TSPAN9: variants seen among roughly 807,000 people sequenced by gnomAD.
The protein encoded by TSPAN9 is tetraspanin-9.
Under a neutral mutation model 31.0 loss-of-function variants are expected in TSPAN9, and 16 were observed. The ratio of observed to expected loss-of-function variants is 0.52; its 90% CI spans 0.35 to 0.78. The LOEUF (loss-of-function observed/expected upper bound fraction) is 0.78, where lower values mean the gene tolerates loss of function less well. Among genes scored for constraint, TSPAN9 ranks in the 30% least tolerant of loss-of-function variants. The pLI is 0.01. For synonymous variants in TSPAN9, 145 were observed against 121.6 expected, an observed-to-expected ratio of 1.19 and a Z score of -1.27; for missense variants, 272 against 312.5, an observed-to-expected ratio of 0.87 and a Z score of 0.98.
intron 2 of TSPAN9, among the ~76,000 whole-genome samples, chr12:3,132,112 A>T (rs1726391741): frequency 6.6e-6 from 1 of 152,202 alleles, no homozygotes; most frequent in Non-Finnish European, 1.5e-5. Flanking sequence ...ATTCTTTGTA[A>T]GGCTGAATAC....
intron 2 of TSPAN9, among the ~76,000 whole-genome samples, chr12:3,159,305 C>G (rs1158215165): frequency 6.6e-6 from 1 of 151,592 alleles, no homozygotes; most frequent in Non-Finnish European, 1.5e-5. Context: ...CTGGGTCCGT[C>G]TCAGTTCCCC....
At chr12:3,171,958 G>C (rs1391955964) in intron 2 of TSPAN9, 2 of 152,196 alleles carry the variant, frequency 1.3e-5, no homozygotes, top group African/African-American at 2.4e-5. Flanking sequence ...GGTCGAAACT[G>C]CTCCTTGAGA....
chr12:3,271,523 C>T (rs1862677428), intron 3 of TSPAN9, among the ~76,000 whole-genome samples: 1 of 147,366 alleles, frequency 6.8e-6, no homozygotes, highest in African/African-American at 2.6e-5. Flanking sequence ...GAAAGAATTC[C>T]TGGCTGATTA....
intron 2 of TSPAN9, among the ~76,000 whole-genome samples, chr12:3,160,536 A>G (rs1425593651): frequency 6.6e-6 from 1 of 152,228 alleles, no homozygotes; most frequent in Admixed American, 6.5e-5. Flanking sequence ...AAGTGGCTAT[A>G]CCATTTTACA....
At chr12:3,226,189 G>C (rs1472491543) in intron 3 of TSPAN9, among the ~76,000 whole-genome samples, 1 of 152,152 alleles carries the variant, frequency 6.6e-6, no homozygotes, top group Non-Finnish European at 1.5e-5. Context: ...ACGGTCGTGA[G>C]GGGCTGGTAG....
chr12:3,268,173 A>AGCCTG lies in TSPAN9; in HGVS notation c.64-10248_64-10247insGCCTG, dbSNP rs1183177021. ...TGCCCTCCGTGCATTCCTGCAGCCT[A>AGCCTG]CCCTCCGTGCGTTCCTGCAGCCTGC... On this transcript the variant is annotated intron_variant, in intron 3 of 8. Coordinates refer to ENST00000011898, the MANE Select transcript of TSPAN9 (RefSeq NM_006675.5). Among the ~76,000 whole-genome samples the AGCCTG allele has an allele frequency of 6.2e-5, 8 of 129,156 alleles. 1 individual carries two copies. The highest frequency in any genetic ancestry group is 2.7e-4 in the South Asian group (1 of 3,756). The allele number at this position is 129,156 out of a possible 152,430, so 84.7% of individuals were successfully genotyped here.
At chr12:3,258,717 G>A (rs11062597) in intron 3 of TSPAN9, among the ~76,000 whole-genome samples, 32,774 of 152,086 alleles carry the variant, frequency 0.22, 5,291 homozygotes, top group East Asian at 0.47. Context: ...CTCAAGTGCC[G>A]GCTCCCAAGA....
At chr12:3,180,295 T>C (rs978481748) in intron 2 of TSPAN9, among the ~76,000 whole-genome samples, 1 of 152,062 alleles carries the variant, frequency 6.6e-6, no homozygotes, top group African/African-American at 2.4e-5. Flanking sequence ...GGTGGGAAGG[T>C]TGCTTGAGTA....
intron 4 of TSPAN9, 86 bp downstream of exon 4, chr12:3,278,698 G>A (rs978284609): frequency 3.3e-6 from 5 of 1,527,724 alleles, no homozygotes; most frequent in Non-Finnish European, 1.8e-6. Context: ...TGGAATATTA[G>A]CCACCTGGGT....
rs184703785 is a variant in TSPAN9, at chr12:3,240,825, T to G, written c.64-37596T>G. Among the ~76,000 whole-genome samples, 3 of 152,328 alleles carry G rather than the reference T, an allele frequency of 2.0e-5. No individual in the cohort carries two copies. The East Asian group carries it at 5.8e-4, about 29-fold the overall frequency. On this transcript the variant is annotated intron_variant, in intron 3 of 8. Coordinates refer to ENST00000011898, the MANE Select transcript of TSPAN9 (RefSeq NM_006675.5). ...GGCGTGGACGTTGGAGAGTTGTGGC[T>G]TGCTGGCTGTTGCTGTAATTAGGTC... is the stretch of plus-strand genomic sequence containing the variant.
At position 3,167,458 on chromosome 12, in the gene TSPAN9, T is replaced by C. The variant is rs111699260; in HGVS notation, c.-17-33719T>C. The stretch of plus-strand genomic sequence containing the variant: ...AGCTTAGGAAAAAACTGTGAGCCCC[T>C]GGAGATTGGGCTTATCTCTTGTGTA... On this transcript the variant is annotated intron_variant, in intron 2 of 8. Coordinates refer to ENST00000011898, the MANE Select transcript of TSPAN9 (RefSeq NM_006675.5). Among the ~76,000 whole-genome samples the C allele has an allele frequency of 3.0e-3, 452 of 152,330 alleles. 2 individuals are homozygous for C. Among genetic ancestry groups the C allele is most frequent in the African/African-American group, 0.01 (435 of 41,562 alleles).
intron 2 of TSPAN9, among the ~76,000 whole-genome samples, chr12:3,186,513 C>T (rs1317875338): frequency 4.6e-5 from 7 of 150,768 alleles, no homozygotes; most frequent in Non-Finnish European, 1.0e-4. Flanking sequence ...AGGACAATGT[C>T]GCTGGAGTGG....
At chr12:3,279,766 T>C (rs12580347) in intron 5 of TSPAN9, among the ~76,000 whole-genome samples, 64,852 of 152,242 alleles carry the variant, frequency 0.43, 16,963 homozygotes, top group South Asian at 0.62. Context: ...TGAGAAAGAA[T>C]AATCTTTTAG....
chr12:3,283,359 G>A lies in TSPAN9; in HGVS notation c.*243G>A, dbSNP rs1862938989. The A allele has an allele frequency of 8.3e-6, 4 of 481,610 alleles. No individual in the cohort carries two copies. In the East Asian group the frequency reaches 1.4e-4, roughly 17 times the overall value. The allele number at this position is 481,610 out of a possible 1,614,324, so 29.8% of individuals were successfully genotyped here. On this transcript the variant is annotated 3_prime_UTR_variant, in exon 9 of 9. Coordinates refer to ENST00000011898, the MANE Select transcript of TSPAN9 (RefSeq NM_006675.5). ...TTCCTGCATCTGCATATGCGTATTT[G>A]CCAAAGACGACAGGGTGGGCTGGGG...
chr12:3,189,168 G>A (rs769139602), intron 2 of TSPAN9, among the ~76,000 whole-genome samples: 1 of 152,182 alleles, frequency 6.6e-6, no homozygotes, highest in Non-Finnish European at 1.5e-5. Context: ...GGAGGATGTG[G>A]CATTTGAGAT....
chr12:3,218,012 C>T (rs11611170), intron 3 of TSPAN9, among the ~76,000 whole-genome samples: 24,069 of 151,882 alleles, frequency 0.16, 2,047 homozygotes, highest in African/African-American at 0.21. Flanking sequence ...TGGTGTGTGG[C>T]GGGTGTGTTG....
chr12:3,119,511 T>C (rs1223942131), intron 2 of TSPAN9, among the ~76,000 whole-genome samples: 1 of 151,998 alleles, frequency 6.6e-6, no homozygotes, highest in East Asian at 1.9e-4. Flanking sequence ...CCCTTGCCCG[T>C]GTGATGTTTG....
intron 2 of TSPAN9, among the ~76,000 whole-genome samples, chr12:3,146,399 T>G (rs2098337293): frequency 6.6e-6 from 1 of 152,308 alleles, no homozygotes; most frequent in Admixed American, 6.5e-5. Context: ...CCTGACAGTT[T>G]GGTTTTCATT....
chr12:3,134,456 G>T (rs2153967228), intron 2 of TSPAN9, among the ~76,000 whole-genome samples: 1 of 152,340 alleles, frequency 6.6e-6, no homozygotes, highest in Admixed American at 6.5e-5. Flanking sequence ...ATGTCATACA[G>T]CCAGTTAGGG....
Sources: gnomAD v4.1 joint callset for allele counts (sites outside exome capture counted in the v4.1 genomes callset) on GRCh38, gnomAD v4.1.1 for gene constraint, MANE v1.5 for transcripts, NCBI Gene and HGNC (gene_info 2026-07-23, HGNC 2026-07-21) for gene names.